Variants in TMEM178B observed in about 807,000 individuals in gnomAD.
TMEM178B encodes the protein transmembrane protein 178B.
Under a neutral mutation model 31.0 loss-of-function variants are expected in TMEM178B, and 5 were observed. That is an observed-to-expected ratio of 0.16 (90% CI 0.08 to 0.34). The LOEUF (loss-of-function observed/expected upper bound fraction) is 0.34. TMEM178B is among the 10% of genes least tolerant of loss of function. The pLI is 1.00. For synonymous variants in TMEM178B, 164 were observed against 164.0 expected (o/e 1.00, Z 0.00); for missense variants, 275 against 400.3 (o/e 0.69, Z 2.67).
chr7:141,510,261 G>C, the TMEM178B span, among the ~76,000 whole-genome samples: 6 of 152,108 alleles, frequency 3.9e-5, no homozygotes, highest in Non-Finnish European at 8.8e-5. Flanking sequence ...TAACTCCCTT[G>C]TGTAGTTGTT....
At chr7:141,177,959 T>C (rs991166961) in intron 1 of TMEM178B, among the ~76,000 whole-genome samples, 1 of 152,226 alleles carries the variant, frequency 6.6e-6, no homozygotes, top group African/African-American at 2.4e-5. Flanking sequence ...TTAATATTGT[T>C]ATGTGTGAAT....
chr7:141,437,487 C>A, intron 2 of TMEM178B, 121 bp from the exon 3 acceptor site: 3 of 1,295,110 alleles, frequency 2.3e-6, no homozygotes, highest in Non-Finnish European at 3.1e-6. Flanking sequence ...CTGAGAAGGG[C>A]AGGTTGCCTT....
Position 141,281,361 on chromosome 7 carries a change from G to T in TMEM178B, c.496+68657G>T, listed in dbSNP as rs886482347. On this transcript the variant is annotated intron_variant, in intron 2 of 3. Transcript: ENST00000565468. ...TCACAGAACACCACTCACATGAGCA[G>T]ACAGGGATTTTTGTCATCTTTTCTT... 1.1e-3 allele frequency among the ~76,000 whole-genome samples: 160 copies of T among 152,226 alleles called. 1 individual carries two copies. The highest frequency in any genetic ancestry group is 3.7e-3 in the African/African-American group (154 of 41,520).
At chr7:141,109,234 C>G (rs1273210860) in intron 1 of TMEM178B, among the ~76,000 whole-genome samples, 1 of 151,840 alleles carries the variant, frequency 6.6e-6, no homozygotes, top group Non-Finnish European at 1.5e-5. Context: ...GATATAGCGC[C>G]TGGTGATGGA....
rs184915930 is a variant in TMEM178B, at chr7:141,251,954, T to C, written c.496+39250T>C. ...CTTGATGTTTTCTTTTATCATTTAA[T>C]TTTTTTCCTCTTAAGAGAGAGACAT... On this transcript the variant is annotated intron_variant, in intron 2 of 3. Transcript: ENST00000565468. Among the ~76,000 whole-genome samples the C allele has an allele frequency of 1.5e-3, 233 of 152,294 alleles. 2 individuals carry two copies. The highest frequency in any genetic ancestry group is 5.2e-3 in the African/African-American group (218 of 41,558).
chr7:141,336,996 TCATCATCAC>T (rs1799415035), intron 2 of TMEM178B, among the ~76,000 whole-genome samples: 1 of 30,308 alleles, frequency 3.3e-5, no homozygotes, highest in Non-Finnish European at 5.7e-5. Context: ...ATCACTACCA[TCATCATCAC>T]CACCACCACC....
intron 1 of TMEM178B, among the ~76,000 whole-genome samples, chr7:141,188,956 C>A (rs1403722893): frequency 1.3e-5 from 2 of 152,240 alleles, no homozygotes; most frequent in Non-Finnish European, 2.9e-5. Context: ...GGTCCAAGGC[C>A]ACATGGCCTG....
At chr7:141,092,474 G>T (rs1023667736) in intron 1 of TMEM178B, among the ~76,000 whole-genome samples, 1 of 152,148 alleles carries the variant, frequency 6.6e-6, no homozygotes, top group Non-Finnish European at 1.5e-5. Context: ...AGGGAGGATG[G>T]TGACTTTTTC....
intron 1 of TMEM178B, among the ~76,000 whole-genome samples, chr7:141,121,155 C>G (rs1229067962): frequency 1.3e-5 from 2 of 152,016 alleles, no homozygotes; most frequent in Admixed American, 1.3e-4. Flanking sequence ...TCAGTGTTTA[C>G]ATTATTATGA....
intron 1 of TMEM178B, among the ~76,000 whole-genome samples, chr7:141,089,648 G>A (rs889493476): frequency 2.0e-5 from 3 of 152,084 alleles, no homozygotes; most frequent in Non-Finnish European, 4.4e-5. Flanking sequence ...AAGAAAATGT[G>A]GCACATATAC....
intron 3 of TMEM178B, among the ~76,000 whole-genome samples, chr7:141,450,007 T>C (rs1264002403): frequency 6.6e-6 from 1 of 152,232 alleles, no homozygotes; most frequent in Non-Finnish European, 1.5e-5. Flanking sequence ...TCTGGGCTAC[T>C]GGGACAGGCA....
chr7:141,230,499 T>C (rs2109866), intron 2 of TMEM178B, among the ~76,000 whole-genome samples: 2,918 of 152,340 alleles, frequency 0.019, 94 homozygotes, highest in African/African-American at 0.066. Context: ...TTGTCTCTAC[T>C]GTCCTGTTAC....
In TMEM178B at chr7:141,213,385, G is replaced by A. The variant is rs368137508; in HGVS notation, c.496+681G>A. On this transcript the variant is annotated intron_variant, in intron 2 of 3. Transcript: ENST00000565468. ...TTGTTGGCTATTTTTACTTTTCTGC[G>A]CCATTGGGATACATTGCTTGTCTGT... 5.0e-4 allele frequency among the ~76,000 whole-genome samples: 76 copies of A among 152,224 alleles called. 1 individual carries two copies. Among genetic ancestry groups the A allele is most frequent in the African/African-American group, 1.6e-3 (66 of 41,542 alleles).
intron 2 of TMEM178B, among the ~76,000 whole-genome samples, chr7:141,310,508 A>G (rs905633295): frequency 3.9e-5 from 6 of 152,160 alleles, no homozygotes; most frequent in Non-Finnish European, 5.9e-5. Flanking sequence ...TGCTGCACCT[A>G]TCAACCCATC....
chr7:141,135,105 TC>T (rs1453322689), intron 1 of TMEM178B, among the ~76,000 whole-genome samples: 5 of 152,140 alleles, frequency 3.3e-5, no homozygotes, highest in Non-Finnish European at 7.3e-5. Flanking sequence ...TTGTGAGGCC[TC>T]CCCAGCCATG....
At chr7:141,188,022 C>T (rs1423239215) in intron 1 of TMEM178B, among the ~76,000 whole-genome samples, 3 of 152,138 alleles carry the variant, frequency 2.0e-5, no homozygotes, top group African/African-American at 4.8e-5. Flanking sequence ...TTGCCCATGC[C>T]TATGTCCTGA....
At chr7:141,452,688 C>G (rs1248089836) in intron 3 of TMEM178B, among the ~76,000 whole-genome samples, 5 of 152,140 alleles carry the variant, frequency 3.3e-5, no homozygotes, top group African/African-American at 1.2e-4. Context: ...TGACATAGTG[C>G]TGCTTACCCT....
intron 2 of TMEM178B, among the ~76,000 whole-genome samples, chr7:141,285,381 A>G (rs1350679957): frequency 6.6e-6 from 1 of 150,766 alleles, no homozygotes; most frequent in Non-Finnish European, 1.5e-5. Context: ...GATGGTCTCG[A>G]TCTCCTGACC....
At chr7:141,495,244 C>T in the TMEM178B span, among the ~76,000 whole-genome samples, 2 of 152,172 alleles carry the variant, frequency 1.3e-5, no homozygotes, top group African/African-American at 4.8e-5. Flanking sequence ...CAAGAGTCCA[C>T]TAGAAATGCA....
Sources: allele counts gnomAD v4.1 joint callset (sites outside exome capture counted in the v4.1 genomes callset), GRCh38; gene constraint gnomAD v4.1.1; transcripts MANE v1.5; gene names NCBI Gene and HGNC (gene_info 2026-07-23, HGNC 2026-07-21).